The following DOCK8 variants were observed in gnomAD, a reference collection of about 807,000 sequenced individuals.
DOCK8 encodes the protein dedicator of cytokinesis protein 8.
In DOCK8, 141 loss-of-function variants were observed where a neutral mutation model predicts 245.6. The ratio of observed to expected loss-of-function variants is 0.57; its 90% CI spans 0.50 to 0.66. The LOEUF is 0.66. DOCK8 is among the 30% of genes least tolerant of loss of function. The probability of loss-of-function intolerance (pLI) is 0.00; values close to 1 mark genes in which losing one functional copy is unlikely to be tolerated. For synonymous variants in DOCK8, 1,168 were observed against 970.2 expected, an observed-to-expected ratio of 1.20 and a Z score of -3.79; for missense variants, 2,965 against 2,603.4, an observed-to-expected ratio of 1.14 and a Z score of -3.02.
intron 9 of DOCK8, among the ~76,000 whole-genome samples, 184 bp downstream of exon 9, chr9:328,355 GTT>G (rs2050857452): frequency 6.6e-6 from 1 of 152,196 alleles, no homozygotes; most frequent in Non-Finnish European, 1.5e-5. Context: ...GAAAGACTAG[GTT>G]TTGGAGACAC....
chr9:296,491 G>A (rs1050580872), intron 4 of DOCK8, among the ~76,000 whole-genome samples: 4 of 152,180 alleles, frequency 2.6e-5, no homozygotes, highest in African/African-American at 9.7e-5. Context: ...CATCTGGGGT[G>A]ATTAAGGTAA....
chr9:318,770 C>G (rs1395468557), intron 7 of DOCK8, among the ~76,000 whole-genome samples: 1 of 152,204 alleles, frequency 6.6e-6, no homozygotes, highest in Non-Finnish European at 1.5e-5. Context: ...AGTGGCTCTT[C>G]CCCTCTGCAT....
At chr9:263,264 G>GT (rs886830613) in intron 1 of DOCK8, among the ~76,000 whole-genome samples, 60 of 150,650 alleles carry the variant, frequency 4.0e-4, no homozygotes, top group Admixed American at 7.9e-4. Flanking sequence ...CCTACTGTAG[G>GT]TTTTTTTTTC....
At position 334,222 on chromosome 9, in the gene DOCK8, C is replaced by A; in HGVS notation, c.1126-3C>A. The A allele has an allele frequency of 3.1e-6, 5 of 1,614,122 alleles. No individual in the cohort carries two copies. The East Asian group carries it at 1.1e-4, about 36-fold the overall frequency. On this transcript the variant is annotated splice_polypyrimidine_tract_variant and splice_region_variant and intron_variant, in intron 10 of 47. Coordinates refer to ENST00000432829, the MANE Select transcript of DOCK8 (RefSeq NM_203447.4). ...CAGCTTGTTTCTTTCCATTTTCCTC[C>A]AGAGTAAAGAAAAGATTGAAAAACT...
chr9:273,651 C>A (rs2048228334), intron 2 of DOCK8, among the ~76,000 whole-genome samples: 1 of 151,364 alleles, frequency 6.6e-6, no homozygotes, highest in South Asian at 2.1e-4. Context: ...GTTTAGCTAA[C>A]AGGCTTTAAC....
At chr9:407,254 T>G (rs1005565905) in intron 28 of DOCK8, among the ~76,000 whole-genome samples, 185 bp downstream of exon 28, 1 of 152,142 alleles carries the variant, frequency 6.6e-6, no homozygotes, top group Non-Finnish European at 1.5e-5. Context: ...AGGCCTTTCT[T>G]GTGTAGAAAG....
At chr9:372,553 T>C (rs571582822) in intron 18 of DOCK8, among the ~76,000 whole-genome samples, 2 of 152,334 alleles carry the variant, frequency 1.3e-5, no homozygotes, top group Admixed American at 1.3e-4. Context: ...GAATAATGTA[T>C]TATAGAAGAG....
At chr9:292,501 C>CT (rs369873420) in intron 4 of DOCK8, among the ~76,000 whole-genome samples, 75 of 142,266 alleles carry the variant, frequency 5.3e-4, no homozygotes, top group Admixed American at 5.6e-4. Context: ...AAAAGGTTGT[C>CT]TTTTTTTTCA....
At chr9:463,144 C>G (rs973605736) in intron 46 of DOCK8, among the ~76,000 whole-genome samples, 3 of 152,078 alleles carry the variant, frequency 2.0e-5, no homozygotes, top group South Asian at 2.1e-4. Context: ...GTAGTCCCAG[C>G]TACCCAGGAG....
intron 8 of DOCK8, among the ~76,000 whole-genome samples, chr9:326,518 A>G (rs754441064): frequency 9.9e-5 from 15 of 152,230 alleles, no homozygotes; most frequent in Non-Finnish European, 2.1e-4. Context: ...CAGCAAGTCC[A>G]GGTGGGGCCT....
upstream of DOCK8, among the ~76,000 whole-genome samples, chr9:211,872 G>T (rs2046624983): frequency 6.6e-6 from 1 of 152,070 alleles, no homozygotes; most frequent in South Asian, 2.1e-4. Flanking sequence ...GGAAAATGAG[G>T]AAGTAGTGTG....
chr9:392,416 G>A (rs2054241496), intron 24 of DOCK8, among the ~76,000 whole-genome samples: 1 of 152,162 alleles, frequency 6.6e-6, no homozygotes, highest in South Asian at 2.1e-4. Flanking sequence ...GTTTTGAGAA[G>A]GGTCCCAAAG....
At chr9:349,000 G>C (rs571560808) in intron 14 of DOCK8, among the ~76,000 whole-genome samples, 1 of 152,302 alleles carries the variant, frequency 6.6e-6, no homozygotes, top group Non-Finnish European at 1.5e-5. Context: ...TCAGGCCTCA[G>C]ACAGGCTGCC....
chr9:455,346 A>G (rs1410026017), intron 46 of DOCK8, among the ~76,000 whole-genome samples: 1 of 151,440 alleles, frequency 6.6e-6, no homozygotes, highest in Non-Finnish European at 1.5e-5. Flanking sequence ...AATACAAAAA[A>G]ATACAAAAAT....
At chr9:412,179 G>T (rs10974287) in intron 28 of DOCK8, among the ~76,000 whole-genome samples, 3,750 of 152,240 alleles carry the variant, frequency 0.025, 117 homozygotes, top group African/African-American at 0.083. Context: ...AAAGTGGACA[G>T]ATCGCTTTGA....
chr9:289,856 AC>A (rs1166211070), intron 4 of DOCK8, among the ~76,000 whole-genome samples: 1 of 152,162 alleles, frequency 6.6e-6, no homozygotes, highest in African/African-American at 2.4e-5. Flanking sequence ...ATTAATGTTT[AC>A]TTTTTGTGTT....
chr9:366,823 C>G (rs910777344), intron 14 of DOCK8, among the ~76,000 whole-genome samples: 1 of 152,152 alleles, frequency 6.6e-6, no homozygotes, highest in Non-Finnish European at 1.5e-5. Flanking sequence ...GTGGGACAGG[C>G]TGGGAAATGC....
intron 4 of DOCK8, among the ~76,000 whole-genome samples, chr9:302,568 A>G (rs1245286597): frequency 2.6e-5 from 4 of 152,216 alleles, no homozygotes; most frequent in East Asian, 3.8e-4. Context: ...CTGATAACCA[A>G]CTGAATAGGA....
At chr9:360,744 T>G (rs1177466632) in intron 14 of DOCK8, among the ~76,000 whole-genome samples, 1 of 152,218 alleles carries the variant, frequency 6.6e-6, no homozygotes, top group Non-Finnish European at 1.5e-5. Flanking sequence ...CCTGAGAGCT[T>G]AAATGGCCCT....
Sources: gnomAD v4.1 joint callset for allele counts (sites outside exome capture counted in the v4.1 genomes callset) on GRCh38, gnomAD v4.1.1 for gene constraint, MANE v1.5 for transcripts, NCBI Gene and HGNC (gene_info 2026-07-23, HGNC 2026-07-21) for gene names.